The following KCTD16 variants were observed in gnomAD, a reference collection of about 807,000 sequenced individuals.
KCTD16 encodes potassium channel tetramerization domain containing 16, also known as BTB/POZ domain-containing protein KCTD16.
A neutral mutation model predicts 33.2 loss-of-function variants in KCTD16; 13 were observed. That is an observed-to-expected ratio of 0.39 (90% confidence interval 0.25 to 0.62). The LOEUF (loss-of-function observed/expected upper bound fraction) is 0.62. KCTD16 is among the 20% of genes least tolerant of loss of function. KCTD16 has a pLI of 0.50. For synonymous variants in KCTD16, 197 were observed against 195.3 expected (o/e 1.01, Z -0.07); for missense variants, 441 against 525.1 (o/e 0.84, Z 1.57).
intron 3 of KCTD16, among the ~76,000 whole-genome samples, chr5:144,248,898 T>C (rs1291190298): frequency 6.6e-6 from 1 of 152,120 alleles, no homozygotes; most frequent in Non-Finnish European, 1.5e-5. Context: ...CTTTCAAAGG[T>C]AAATATTTCC....
chr5:144,262,445 C>A (rs74462631), intron 3 of KCTD16, among the ~76,000 whole-genome samples: 1 of 152,134 alleles, frequency 6.6e-6, no homozygotes. Context: ...CATGACTGAC[C>A]TGATTTATGT....
chr5:144,227,574 G>A (rs1438319749), intron 3 of KCTD16, among the ~76,000 whole-genome samples: 1 of 152,212 alleles, frequency 6.6e-6, no homozygotes, highest in African/African-American at 2.4e-5. Flanking sequence ...ATTTTTAAAA[G>A]CTGCCTGCCA....
At chr5:144,315,530 AATG>A (rs1663771626) in intron 3 of KCTD16, among the ~76,000 whole-genome samples, 2 of 152,308 alleles carry the variant, frequency 1.3e-5, no homozygotes, top group East Asian at 1.9e-4. Context: ...TCCCAAATAT[AATG>A]ATGATTATAA....
chr5:144,472,595 C>T (rs1754501992), intron 3 of KCTD16, among the ~76,000 whole-genome samples: 1 of 152,204 alleles, frequency 6.6e-6, no homozygotes, highest in Non-Finnish European at 1.5e-5. Context: ...GATCCAGGTA[C>T]TTATAAGTTA....
chr5:144,437,925 A>G (rs950567795), intron 3 of KCTD16, among the ~76,000 whole-genome samples: 1 of 152,194 alleles, frequency 6.6e-6, no homozygotes, highest in Non-Finnish European at 1.5e-5. Flanking sequence ...GCTATTGGAC[A>G]CTTCAAATGT....
chr5:144,271,151 AT>A (rs1755282124), intron 3 of KCTD16, among the ~76,000 whole-genome samples: 3 of 152,032 alleles, frequency 2.0e-5, no homozygotes, highest in Admixed American at 1.3e-4. Flanking sequence ...GGAGGGAAAA[AT>A]TCCTAACTAA....
Position 144,219,513 on chromosome 5 carries a change from C to CTTTTT in KCTD16, c.832+11988_832+11992dup, listed in dbSNP as rs59442398. 6.6e-3 allele frequency among the ~76,000 whole-genome samples: 510 copies of CTTTTT among 77,114 alleles called. 34 individuals are homozygous for CTTTTT. Among genetic ancestry groups the CTTTTT allele is most frequent in the African/African-American group, 7.3e-3 (131 of 17,948 alleles). The allele number at this position is 77,114 out of a possible 152,430, so 50.6% of individuals were successfully genotyped here. A position where few individuals can be genotyped will look rare whatever the true frequency, so the allele number is the denominator to read the frequency against. On this transcript the variant is annotated intron_variant, in intron 3 of 3. Coordinates refer to ENST00000512467, the MANE Select transcript of KCTD16 (RefSeq NM_020768.4). Reference sequence around the variant, plus strand: ...ACAGGCATGAGCCACTGTGCTGGGCCTTTTTTTTTTTTTTTTTTTTTTTTT... The same window carrying CTTTTT: ...ACAGGCATGAGCCACTGTGCTGGGCCTTTTTTTTTTTTTTTTTTTTTTTTTTTTTT...
chr5:144,407,173 G>A (rs1752825702), intron 3 of KCTD16, among the ~76,000 whole-genome samples: 2 of 145,286 alleles, frequency 1.4e-5, no homozygotes, highest in Non-Finnish European at 3.0e-5. Context: ...AGTCTCAGAA[G>A]TTTTCATCTT....
intron 1 of KCTD16, among the ~76,000 whole-genome samples, chr5:144,173,103 A>G (rs753505832): frequency 3.3e-5 from 5 of 152,356 alleles, no homozygotes; most frequent in East Asian, 3.9e-4. Flanking sequence ...CAGAAATACC[A>G]TTCGACCCAG....
At chr5:144,196,915 T>A (rs1428987945) in intron 2 of KCTD16, among the ~76,000 whole-genome samples, 2 of 152,218 alleles carry the variant, frequency 1.3e-5, no homozygotes, top group African/African-American at 4.8e-5. Context: ...ACATGCAATT[T>A]CCTTGGCAGC....
rs115587783 is a variant in KCTD16 at position 144,404,786 on chromosome 5, A to T, written c.833-68874A>T. On this transcript the variant is annotated intron_variant, in intron 3 of 3. Coordinates refer to ENST00000512467, the MANE Select transcript of KCTD16 (RefSeq NM_020768.4). ...TGGTGGGGAAATTTACCTAGAAATA[A>T]ATGTTAAGGTGCCTTCCTGGTCCCT... Among the ~76,000 whole-genome samples, 784 of 152,136 alleles carry T rather than the reference A, an allele frequency of 5.2e-3. 5 individuals carry two copies. The highest frequency in any genetic ancestry group is 0.018 in the African/African-American group (753 of 41,480).
At chr5:144,367,348 T>A (rs921909289) in intron 3 of KCTD16, among the ~76,000 whole-genome samples, 1 of 152,158 alleles carries the variant, frequency 6.6e-6, no homozygotes, top group African/African-American at 2.4e-5. Flanking sequence ...GGCATGGATT[T>A]CGGAGGCTTT....
At chr5:144,251,050 G>C (rs1580820582) in intron 3 of KCTD16, among the ~76,000 whole-genome samples, 1 of 152,200 alleles carries the variant, frequency 6.6e-6, no homozygotes, top group South Asian at 2.1e-4. Context: ...TTTCAAAAGA[G>C]AGAAAGTTCA....
chr5:144,425,753 A>G (rs1753314602), intron 3 of KCTD16, among the ~76,000 whole-genome samples: 1 of 152,062 alleles, frequency 6.6e-6, no homozygotes, highest in Non-Finnish European at 1.5e-5. Flanking sequence ...CAGAGTCCCA[A>G]GGAAGCCCTG....
intron 3 of KCTD16, among the ~76,000 whole-genome samples, chr5:144,253,986 T>C (rs952456773): frequency 1.3e-5 from 2 of 152,196 alleles, no homozygotes; most frequent in South Asian, 2.1e-4. Context: ...TCATGTTGAC[T>C]CCCGCATGGG....
At chr5:144,185,876 G>A (rs1354076029) in intron 2 of KCTD16, among the ~76,000 whole-genome samples, 1 of 151,938 alleles carries the variant, frequency 6.6e-6, no homozygotes, top group East Asian at 1.9e-4. Context: ...TACATGTATT[G>A]GCTCAATTAA....
rs535104328 is a variant in KCTD16, at chr5:144,243,910, A to AT, written c.832+36371dup. Among the ~76,000 whole-genome samples the AT allele has an allele frequency of 2.0e-4, 30 of 151,950 alleles. No homozygotes were observed. In the East Asian group the frequency reaches 4.6e-3, roughly 24 times the overall value. Reference sequence around the variant, plus strand: ...AGGTGCACGCCATCACGCCCGGCTAATTTTTTTGTATTTTAGTAGAGACGG... The same window carrying AT: ...AGGTGCACGCCATCACGCCCGGCTAATTTTTTTTGTATTTTAGTAGAGACGG... On this transcript the variant is annotated intron_variant, in intron 3 of 3. Coordinates refer to ENST00000512467, the MANE Select transcript of KCTD16 (RefSeq NM_020768.4).
At chr5:144,251,970 A>C (rs529240524) in intron 3 of KCTD16, among the ~76,000 whole-genome samples, 1 of 152,306 alleles carries the variant, frequency 6.6e-6, no homozygotes, top group Admixed American at 6.5e-5. Flanking sequence ...TTATTAAAGT[A>C]TAATTAACAA....
intron 3 of KCTD16, among the ~76,000 whole-genome samples, chr5:144,328,299 G>A (rs185779411): frequency 1.9e-4 from 29 of 152,210 alleles, no homozygotes; most frequent in African/African-American, 7.0e-4. Flanking sequence ...TTCATGGAAA[G>A]GTGCATATGT....
Sources: gnomAD v4.1 joint callset for allele counts (sites outside exome capture counted in the v4.1 genomes callset) on GRCh38, gnomAD v4.1.1 for gene constraint, MANE v1.5 for transcripts, NCBI Gene and HGNC (gene_info 2026-07-23, HGNC 2026-07-21) for gene names.